The following MYH11 variants were observed in gnomAD, a reference collection of about 807,000 sequenced individuals.
The protein encoded by MYH11 is myosin-11.
Under a neutral mutation model 246.6 loss-of-function variants are expected in MYH11, and 80 were observed. That is an observed-to-expected ratio of 0.32 (90% CI 0.27 to 0.39). MYH11 has a LOEUF of 0.39. Among genes scored for constraint, MYH11 ranks in the 10% least tolerant of loss-of-function variants. MYH11 has a pLI of 1.00. For synonymous variants in MYH11, 1,071 were observed against 1,015.5 expected, an observed-to-expected ratio of 1.05 and a Z score of -1.04; for missense variants, 2,158 against 2,546.8, an observed-to-expected ratio of 0.85 and a Z score of 3.29.
intron 3 of MYH11, among the ~76,000 whole-genome samples, chr16:15,814,952 G>A (rs2043230897): frequency 1.3e-5 from 2 of 152,174 alleles, no homozygotes; most frequent in South Asian, 4.1e-4. Flanking sequence ...GAAACCCTCA[G>A]CTTCTTTTCA....
At chr16:15,742,157 C>T (rs2041293549) in intron 20 of MYH11, 2 of 567,330 alleles carry the variant, frequency 3.5e-6, no homozygotes, top group Non-Finnish European at 6.4e-6. Context: ...AAAATATCAA[C>T]AGTGGCAAGA....
chr16:15,706,331 C>T (rs4781681), intron 40 of MYH11, among the ~76,000 whole-genome samples: 81,735 of 151,946 alleles, frequency 0.54, 22,720 homozygotes, highest in Middle Eastern at 0.66. Flanking sequence ...TCAAATTCAG[C>T]GCAGAGGAGC....
chr16:15,770,285 C>T (rs890639637), intron 9 of MYH11, among the ~76,000 whole-genome samples: 2 of 152,168 alleles, frequency 1.3e-5, no homozygotes, highest in African/African-American at 4.8e-5. Context: ...AGCTGCCCCT[C>T]CCCTTATGCA....
chr16:15,844,659 C>T (rs2044142300), intron 1 of MYH11, among the ~76,000 whole-genome samples: 1 of 151,468 alleles, frequency 6.6e-6, no homozygotes, highest in Admixed American at 6.6e-5. Context: ...AGTTCGAGAC[C>T]AGACTGGGCA....
intron 2 of MYH11, among the ~76,000 whole-genome samples, chr16:15,828,787 T>TAAAA (rs1209396542): frequency 3.1e-5 from 2 of 63,682 alleles, no homozygotes; most frequent in African/African-American, 6.4e-5. Context: ...AGTGAGACTC[T>TAAAA]AAAAAAAAAA....
intron 2 of MYH11, among the ~76,000 whole-genome samples, chr16:15,837,305 C>T (rs1455691782): frequency 6.6e-6 from 1 of 152,136 alleles, no homozygotes; most frequent in Non-Finnish European, 1.5e-5. Flanking sequence ...AGAACGATGC[C>T]AATGAAATCT....
chr16:15,808,791 G>T (rs1052370520), intron 3 of MYH11, among the ~76,000 whole-genome samples: 2 of 152,162 alleles, frequency 1.3e-5, no homozygotes, highest in Admixed American at 1.3e-4. Context: ...TATTTGGAAG[G>T]CTGAGGCAGG....
intron 3 of MYH11, among the ~76,000 whole-genome samples, chr16:15,821,630 C>G (rs1175026200): frequency 6.6e-6 from 1 of 151,708 alleles, no homozygotes; most frequent in Non-Finnish European, 1.5e-5. Flanking sequence ...AGAAAAGAAC[C>G]AGGAATTGCT....
intron 40 of MYH11, among the ~76,000 whole-genome samples, chr16:15,711,717 G>A (rs958805518): frequency 6.6e-6 from 1 of 151,858 alleles, no homozygotes; most frequent in African/African-American, 2.4e-5. Flanking sequence ...TTTTGAGACC[G>A]AGTTTTGGTC....
chr16:15,737,592 T>C lies in MYH11; in HGVS notation c.3150A>G (p.Arg1050=), dbSNP rs1242182117. 2.5e-6 allele frequency: 4 copies of C among 1,613,446 alleles called. No homozygotes were observed. The highest frequency in any genetic ancestry group is 1.7e-5 in the Admixed American group (1 of 59,998). Residue 1050 remains arginine (R), a synonymous_variant, in exon 25 of 41, where the codon CGA becomes CGG. Coordinates refer to ENST00000300036, the MANE Select transcript of MYH11 (RefSeq NM_002474.3). ...TCCGTTTCAGCTTCTCCAGCTCCTGTCGGCTCTTCTCTTCCTTCTTTAGCC... is the reference window on the plus strand; with the variant it reads ...TCCGTTTCAGCTTCTCCAGCTCCTGCCGGCTCTTCTCTTCCTTCTTTAGCC... ...EVRLKKEEKS[R]QELEKLKRKL...
intron 2 of MYH11, among the ~76,000 whole-genome samples, chr16:15,830,961 C>T (rs941191777): frequency 6.6e-6 from 1 of 152,118 alleles, no homozygotes; most frequent in Non-Finnish European, 1.5e-5. Context: ...CACCTGAGGT[C>T]AGGAGATCGA....
At chr16:15,753,279 C>T in intron 15 of MYH11, 115 bp downstream of exon 15, 2 of 887,408 alleles carry the variant, frequency 2.3e-6, no homozygotes, top group African/African-American at 1.6e-5. Flanking sequence ...GCTCTTCCTT[C>T]CCCTGCCCCC....
At chr16:15,788,392 C>G (rs1249902951) in intron 4 of MYH11, among the ~76,000 whole-genome samples, 2 of 151,746 alleles carry the variant, frequency 1.3e-5, no homozygotes, top group East Asian at 3.9e-4. Flanking sequence ...CCGAGGTCAG[C>G]CCAAGGTTCT....
intron 40 of MYH11, chr16:15,708,761 A>G (rs1201876349): frequency 1.3e-6 from 2 of 1,588,738 alleles, no homozygotes; most frequent in Non-Finnish European, 1.7e-6. Flanking sequence ...AAAGAAATGG[A>G]TACTGAGACA....
chr16:15,838,351 G>A lies in MYH11; in HGVS notation c.-17-82C>T, dbSNP rs1370213104. On this transcript the variant is annotated intron_variant, in intron 1 of 40. Coordinates refer to ENST00000300036, the MANE Select transcript of MYH11 (RefSeq NM_002474.3). Reference sequence around the variant, plus strand: ...CCAACCACTCACCTTGCCCTGTCTAGGAACTCGGTCTGCAGAGACATCCCA... The same window carrying A: ...CCAACCACTCACCTTGCCCTGTCTAAGAACTCGGTCTGCAGAGACATCCCA... 2.7e-6 allele frequency: 3 copies of A among 1,125,780 alleles called. No homozygotes were observed. In the Admixed American group the frequency reaches 5.7e-5, roughly 22 times the overall value. 69.7% of individuals were successfully genotyped at this position (1,125,780 alleles called of 1,614,324 possible).
At position 15,708,850 on chromosome 16, in the gene MYH11, G is replaced by A. The variant is rs745371874; in HGVS notation, c.5787-4727C>T. Reference sequence around the variant, plus strand: ...CCTGTGGGGGGGGCCCTCTGAAACAGAGAGAGAATCCCCGGAGGTTACCAT... The same window carrying A: ...CCTGTGGGGGGGGCCCTCTGAAACAAAGAGAGAATCCCCGGAGGTTACCAT... On this transcript the variant is annotated intron_variant, in intron 40 of 40. Coordinates refer to ENST00000300036, the MANE Select transcript of MYH11 (RefSeq NM_002474.3). 6 of 1,607,740 alleles carry A rather than the reference G, an allele frequency of 3.7e-6. No individual in the cohort carries two copies. The East Asian group carries it at 1.3e-4, about 36-fold the overall frequency.
Position 15,732,432 on chromosome 16 carries a change from C to T in MYH11, c.3651+132G>A, listed in dbSNP as rs1450660188. ...GAAGCATTTTGTAAATAAATATAAG[C>T]TGCTATCATCATCATTAGAATCTTA... On this transcript the variant is annotated intron_variant, in intron 27 of 40. Transcript: ENST00000300036. 3 of 1,329,710 alleles carry T rather than the reference C, an allele frequency of 2.3e-6. No individual in the cohort carries two copies. In the Admixed American group the frequency reaches 5.1e-5, roughly 23 times the overall value. The allele number at this position is 1,329,710 out of a possible 1,614,324, so 82.4% of individuals were successfully genotyped here. A position where few individuals can be genotyped will look rare whatever the true frequency, so the allele number is the denominator to read the frequency against.
At position 15,727,771 on chromosome 16, in the gene MYH11, A is replaced by G. The variant is rs147979725; in HGVS notation, c.3652-717T>C. On this transcript the variant is annotated intron_variant, in intron 27 of 40. Coordinates refer to ENST00000300036, the MANE Select transcript of MYH11 (RefSeq NM_002474.3). ...AAGGATCGCTTAAGGCCAGGAGTACAAGACCAGCCTGGGCAATGTAGTGAG... is the reference window on the plus strand; with the variant it reads ...AAGGATCGCTTAAGGCCAGGAGTACGAGACCAGCCTGGGCAATGTAGTGAG... Among the ~76,000 whole-genome samples, 718 of 152,314 alleles carry G rather than the reference A, an allele frequency of 4.7e-3. 2 individuals carry two copies. The highest frequency in any genetic ancestry group is 0.015 in the African/African-American group (617 of 41,572).
chr16:15,743,644 C>A (rs2041337749), intron 20 of MYH11, among the ~76,000 whole-genome samples: 1 of 152,190 alleles, frequency 6.6e-6, no homozygotes, highest in African/African-American at 2.4e-5. Context: ...ATGCACTTAT[C>A]ACAGTTTGCC....
Sources: allele counts gnomAD v4.1 joint callset (sites outside exome capture counted in the v4.1 genomes callset), GRCh38; gene constraint gnomAD v4.1.1; transcripts MANE v1.5; gene names NCBI Gene and HGNC (gene_info 2026-07-23, HGNC 2026-07-21).